SRFBP1: variants seen among roughly 807,000 people sequenced by gnomAD.
SRFBP1 encodes serum response factor-binding protein 1.
Under a neutral mutation model 45.5 loss-of-function variants are expected in SRFBP1, and 47 were observed. The observed-to-expected ratio is 1.03, with a 90% confidence interval of 0.82 to 1.32. The LOEUF is 1.32. SRFBP1 is among the 40% of genes most tolerant of loss of function. SRFBP1 has a pLI of 0.00. For missense variants in SRFBP1, 621 were observed against 484.6 expected, an observed-to-expected ratio of 1.28 and a Z score of -2.64; for synonymous variants, 203 against 166.3, an observed-to-expected ratio of 1.22 and a Z score of -1.70.
intron 7 of SRFBP1, among the ~76,000 whole-genome samples, chr5:122,024,506 G>A (rs1467591444): frequency 6.6e-6 from 1 of 152,134 alleles, no homozygotes; most frequent in African/African-American, 2.4e-5. Context: ...CTGGATCCTA[G>A]GAGTTCTCTT....
At chr5:122,063,192 A>G (rs1322630504) in intron 2 of SRFBP1, 1 of 152,018 alleles carries the variant, frequency 6.6e-6, no homozygotes, top group African/African-American at 2.4e-5. Flanking sequence ...AATGACTACT[A>G]TAGACACTTG....
At chr5:121,997,643 A>G (rs1042095936) in intron 4 of SRFBP1, among the ~76,000 whole-genome samples, 4 of 151,462 alleles carry the variant, frequency 2.6e-5, no homozygotes, top group East Asian at 1.9e-4. Flanking sequence ...AGCAATGGCA[A>G]CAAAAGACAA....
At chr5:122,057,829 C>G (rs1052440848) in intron 2 of SRFBP1, among the ~76,000 whole-genome samples, 4 of 151,886 alleles carry the variant, frequency 2.6e-5, no homozygotes, top group Non-Finnish European at 5.9e-5. Context: ...CAGGCATGCA[C>G]CACTACTCCT....
At chr5:122,003,254 A>G (rs1283115392) in intron 4 of SRFBP1, among the ~76,000 whole-genome samples, 2 of 151,962 alleles carry the variant, frequency 1.3e-5, no homozygotes, top group East Asian at 3.9e-4. Flanking sequence ...CTACACTGGG[A>G]GAACCACATG....
chr5:122,006,792 G>C (rs1380985248), intron 4 of SRFBP1, among the ~76,000 whole-genome samples: 1 of 150,448 alleles, frequency 6.6e-6, no homozygotes, highest in Non-Finnish European at 1.5e-5. Context: ...GTATTTTATT[G>C]TTTTCTTTAT....
chr5:121,999,730 C>T (rs1429741360), intron 4 of SRFBP1, among the ~76,000 whole-genome samples: 1 of 152,010 alleles, frequency 6.6e-6, no homozygotes, highest in African/African-American at 2.4e-5. Flanking sequence ...TGAAGTCTAT[C>T]TTGTCTGAAA....
rs780777954 is a variant in SRFBP1, at chr5:122,027,154, A to G, written c.*28A>G. 6.4e-7 allele frequency: 1 copy of G among 1,563,154 alleles called. No individual in the cohort carries two copies. Among genetic ancestry groups the G allele is most frequent in the South Asian group, 1.2e-5 (1 of 84,484 alleles). ...AGTGCCTCTTTCTGCAAACTTTTCC[A>G]TCTAAAAAAAAAAATGTTTTTTTTA... On this transcript the variant is annotated 3_prime_UTR_variant, in exon 8 of 8. Transcript: ENST00000339397.
intron 1 of SRFBP1, among the ~76,000 whole-genome samples, chr5:121,966,420 C>G (rs1266515705): frequency 2.0e-5 from 3 of 152,116 alleles, no homozygotes; most frequent in African/African-American, 7.2e-5. Flanking sequence ...AGCACAGTAC[C>G]TTGTCTACAG....
chr5:122,005,017 A>G (rs927886746), intron 4 of SRFBP1, among the ~76,000 whole-genome samples: 1 of 152,118 alleles, frequency 6.6e-6, no homozygotes, highest in African/African-American at 2.4e-5. Context: ...AAGATACTTA[A>G]TATGTCTTCT....
intron 4 of SRFBP1, among the ~76,000 whole-genome samples, chr5:122,009,139 A>AT (rs1279973686): frequency 6.6e-6 from 1 of 152,110 alleles, no homozygotes; most frequent in Non-Finnish European, 1.5e-5. Context: ...CCTAAATTTA[A>AT]TTTGCATTTT....
At chr5:122,066,440 A>G in intron 2 of SRFBP1, 1 of 317,798 alleles carries the variant, frequency 3.1e-6, no homozygotes, top group Non-Finnish European at 5.8e-6. Context: ...CTACAATTTC[A>G]AAAGGAACAT....
intron 2 of SRFBP1, among the ~76,000 whole-genome samples, chr5:122,072,484 ATTT>A (rs1326540379): frequency 1.3e-5 from 2 of 152,182 alleles, no homozygotes; most frequent in Non-Finnish European, 2.9e-5. Context: ...TAATATGTAA[ATTT>A]TTGTCTCAGA....
rs556486388 is a variant in SRFBP1, at chr5:121,975,172, A to C, written c.126-143A>C. On this transcript the variant is annotated intron_variant, in intron 2 of 7. Coordinates refer to ENST00000339397, the MANE Select transcript of SRFBP1 (RefSeq NM_152546.3). ...TGAGGTGTGTTTTGGGAGTGGGGGA[A>C]ATGGACAGTGTAGGATAGTGGCGTG... 3 of 808,158 alleles carry C rather than the reference A, an allele frequency of 3.7e-6. No homozygotes were observed. In the South Asian group the frequency reaches 5.5e-5, roughly 15 times the overall value. 50.1% of individuals were successfully genotyped at this position (808,158 alleles called of 1,614,324 possible). A position where few individuals can be genotyped will look rare whatever the true frequency, so the allele number is the denominator to read the frequency against.
chr5:122,052,618 A>G (rs867825365), intron 2 of SRFBP1, among the ~76,000 whole-genome samples: 2 of 152,102 alleles, frequency 1.3e-5, no homozygotes, highest in Admixed American at 6.5e-5. Context: ...GTTCTTTTTT[A>G]TAATGGCGAT....
At chr5:121,989,133 G>A (rs866753779) in intron 3 of SRFBP1, among the ~76,000 whole-genome samples, 1 of 151,884 alleles carries the variant, frequency 6.6e-6, no homozygotes, top group Non-Finnish European at 1.5e-5. Flanking sequence ...GCATGATCTC[G>A]GCTCACTGCA....
rs535333844 is a variant in SRFBP1, at chr5:122,001,398, T to C, written c.270+6728T>C. 3.4e-5 allele frequency among the ~76,000 whole-genome samples: 5 copies of C among 149,168 alleles called. No individual in the cohort carries two copies. The South Asian group carries it at 8.3e-4, about 25-fold the overall frequency. On this transcript the variant is annotated intron_variant, in intron 4 of 7. Coordinates refer to ENST00000339397, the MANE Select transcript of SRFBP1 (RefSeq NM_152546.3). ...GGCCCTTTTATTTTTATTTTTTATT[T>C]TTTTTATTTTTATTTTTTATTTTTA... is the stretch of plus-strand genomic sequence containing the variant.
intron 4 of SRFBP1, among the ~76,000 whole-genome samples, chr5:121,997,488 T>G (rs1752754606): frequency 6.6e-6 from 1 of 151,898 alleles, no homozygotes; most frequent in Admixed American, 6.6e-5. Flanking sequence ...CTGGATCCCT[T>G]CTTTACACCT....
chr5:122,054,496 G>A (rs1754043835), intron 2 of SRFBP1, among the ~76,000 whole-genome samples: 1 of 152,174 alleles, frequency 6.6e-6, no homozygotes, highest in Admixed American at 6.5e-5. Flanking sequence ...CTGTCCGTGA[G>A]TGTGGCATAC....
intron 2 of SRFBP1, among the ~76,000 whole-genome samples, chr5:122,048,767 G>T (rs1753912505): frequency 6.6e-6 from 1 of 152,100 alleles, no homozygotes; most frequent in African/African-American, 2.4e-5. Flanking sequence ...TCCTTGTTTA[G>T]TCTTGGGAGG....
Sources: gnomAD v4.1 joint callset for allele counts (sites outside exome capture counted in the v4.1 genomes callset) on GRCh38, gnomAD v4.1.1 for gene constraint, MANE v1.5 for transcripts, NCBI Gene and HGNC (gene_info 2026-07-23, HGNC 2026-07-21) for gene names.